Variants in ACSS3 observed in about 807,000 individuals in gnomAD.
ACSS3 encodes the protein acyl-CoA synthetase short-chain family member 3, mitochondrial.
In ACSS3, 64 loss-of-function variants were observed where a neutral mutation model predicts 84.2. The ratio of observed to expected loss-of-function variants is 0.76; its 90% CI spans 0.62 to 0.94. The LOEUF (loss-of-function observed/expected upper bound fraction) is 0.94. ACSS3 is among the 40% of genes least tolerant of loss of function. The pLI, the probability that ACSS3 is intolerant of heterozygous loss-of-function variation, is 0.00. For synonymous variants in ACSS3, 317 were observed against 310.1 expected, an observed-to-expected ratio of 1.02 and a Z score of -0.23; for missense variants, 815 against 867.6, an observed-to-expected ratio of 0.94 and a Z score of 0.76.
At chr12:81,122,183 G>GGCC (rs1213190687) in intron 2 of ACSS3, among the ~76,000 whole-genome samples, 7 of 151,826 alleles carry the variant, frequency 4.6e-5, no homozygotes, top group Admixed American at 4.6e-4. Context: ...TGCCCTCCTT[G>GGCC]GCCTCCCAAA....
chr12:81,121,738 C>CG (rs1565987730), intron 2 of ACSS3, among the ~76,000 whole-genome samples: 3 of 151,942 alleles, frequency 2.0e-5, no homozygotes, highest in African/African-American at 7.3e-5. Flanking sequence ...GCTTTGAGTT[C>CG]GGTGACATGT....
chr12:81,154,904 T>C (rs1886787186), intron 7 of ACSS3, among the ~76,000 whole-genome samples: 1 of 152,208 alleles, frequency 6.6e-6, no homozygotes, highest in Admixed American at 6.5e-5. Context: ...CTTTCCTTTC[T>C]TGGTTAACTC....
intron 8 of ACSS3, among the ~76,000 whole-genome samples, chr12:81,193,044 A>G (rs1235591677): frequency 6.6e-6 from 1 of 152,186 alleles, no homozygotes; most frequent in Admixed American, 6.5e-5. Context: ...GCAAAATGCT[A>G]TTCAGCCATT....
At chr12:81,220,922 G>T (rs921643607) in intron 11 of ACSS3, among the ~76,000 whole-genome samples, 18 of 151,574 alleles carry the variant, frequency 1.2e-4, no homozygotes, top group African/African-American at 4.4e-4. Context: ...TTGTTTTTCT[G>T]CTTTTCTGAT....
At chr12:81,241,918 A>G (rs1427886729) in intron 13 of ACSS3, among the ~76,000 whole-genome samples, 3 of 152,250 alleles carry the variant, frequency 2.0e-5, no homozygotes, top group Non-Finnish European at 2.9e-5. Flanking sequence ...GCCCGTGCCT[A>G]TGTCCTGAAT....
At chr12:81,125,913 T>C (rs1250220119) in intron 2 of ACSS3, 1 of 152,200 alleles carries the variant, frequency 6.6e-6, no homozygotes, top group Non-Finnish European at 1.5e-5. Context: ...TTTTTACCCC[T>C]ATTACGCAAT....
intron 5 of ACSS3, among the ~76,000 whole-genome samples, chr12:81,145,891 G>A (rs138907692): frequency 3.3e-5 from 5 of 152,266 alleles, no homozygotes; most frequent in Non-Finnish European, 5.9e-5. Context: ...ATTAAATTGT[G>A]TGCGTGAGTG....
chr12:81,102,649 C>T (rs1357913791), intron 1 of ACSS3, among the ~76,000 whole-genome samples: 1 of 148,740 alleles, frequency 6.7e-6, no homozygotes, highest in African/African-American at 2.4e-5. Flanking sequence ...GTTGAAACCC[C>T]ATTTCTACTA....
chr12:81,214,241 G>T (rs1465617143), intron 9 of ACSS3, among the ~76,000 whole-genome samples: 1 of 151,794 alleles, frequency 6.6e-6, no homozygotes, highest in Non-Finnish European at 1.5e-5. Context: ...GGCCAGGTTG[G>T]TCCCAAACTC....
intron 2 of ACSS3, among the ~76,000 whole-genome samples, chr12:81,121,523 T>C (rs562793063): frequency 6.6e-6 from 1 of 152,276 alleles, no homozygotes; most frequent in African/African-American, 2.4e-5. Flanking sequence ...TTTATTTTAG[T>C]GTATTATTAA....
At chr12:81,239,775 CA>C (rs1224513276) in intron 13 of ACSS3, among the ~76,000 whole-genome samples, 1 of 151,900 alleles carries the variant, frequency 6.6e-6, no homozygotes, top group Admixed American at 6.6e-5. Context: ...GGTACACAGC[CA>C]AACCGTATCA....
rs566601163 is a variant in ACSS3 at position 81,134,868 on chromosome 12, C to T, written c.509C>T (p.Thr170Ile). The T allele has an allele frequency of 5.6e-6, 9 of 1,597,382 alleles. 1 individual carries two copies. In the South Asian group the frequency reaches 6.8e-5, roughly 12 times the overall value. Residue 170 changes from threonine (T) to isoleucine (I), a missense_variant, in exon 3 of 16, where the codon ACT becomes ATT. Transcript: ENST00000548058. ...AAGCATGGCATCAAGAAAGGTGACA[C>T]TGTGGTTATCTACATGCCTATGATC... ...LVKHGIKKGD[T>I]VVIYMPMIPQ...
chr12:81,177,622 AAACC>A (rs2030586850), intron 8 of ACSS3, among the ~76,000 whole-genome samples: 1 of 152,150 alleles, frequency 6.6e-6, no homozygotes, highest in South Asian at 2.1e-4. Context: ...TACAAGAAAA[AAACC>A]AACAACCCCA....
chr12:81,096,710 G>C (rs1037973183), intron 1 of ACSS3, among the ~76,000 whole-genome samples: 1 of 151,654 alleles, frequency 6.6e-6, no homozygotes, highest in Non-Finnish European at 1.5e-5. Context: ...TTATGAGTGA[G>C]AACATGTGGT....
At chr12:81,192,668 A>T (rs2031632575) in intron 8 of ACSS3, among the ~76,000 whole-genome samples, 1 of 152,172 alleles carries the variant, frequency 6.6e-6, no homozygotes, top group Non-Finnish European at 1.5e-5. Context: ...TGTGAATTTT[A>T]ATCTTCGATT....
intron 2 of ACSS3, among the ~76,000 whole-genome samples, chr12:81,132,917 G>A (rs1297505889): frequency 2.0e-5 from 3 of 151,688 alleles, no homozygotes; most frequent in Non-Finnish European, 4.4e-5. Context: ...TTTCTGCAGG[G>A]GTTGCACACT....
intron 1 of ACSS3, among the ~76,000 whole-genome samples, chr12:81,100,357 A>G (rs564610563): frequency 1.3e-5 from 2 of 151,898 alleles, no homozygotes; most frequent in South Asian, 4.2e-4. Flanking sequence ...TTTAAAAGCT[A>G]TCTTCTTTAC....
At position 81,255,249 on chromosome 12, in the gene ACSS3, A is replaced by G; in HGVS notation, c.*327A>G. 1 of 175,390 alleles carries G rather than the reference A, an allele frequency of 5.7e-6. No individual in the cohort carries two copies. Among genetic ancestry groups the G allele is most frequent in the East Asian group, 1.5e-4 (1 of 6,648 alleles). The allele number at this position is 175,390 out of a possible 1,614,324, so 10.9% of individuals were successfully genotyped here. On this transcript the variant is annotated 3_prime_UTR_variant, in exon 16 of 16. Transcript: ENST00000548058. ...CTTTAATTGAAAGCAACACTAATATAGAGCCACTTCCTGAAACCAAGAATC... is the reference window on the plus strand; with the variant it reads ...CTTTAATTGAAAGCAACACTAATATGGAGCCACTTCCTGAAACCAAGAATC...
intron 1 of ACSS3, among the ~76,000 whole-genome samples, chr12:81,105,967 G>A (rs995762363): frequency 3.9e-5 from 6 of 152,188 alleles, no homozygotes; most frequent in African/African-American, 1.4e-4. Context: ...GAAGCTGACT[G>A]AATTCAAGGA....
Sources: gnomAD v4.1 joint callset for allele counts (sites outside exome capture counted in the v4.1 genomes callset) on GRCh38, gnomAD v4.1.1 for gene constraint, MANE v1.5 for transcripts, NCBI Gene and HGNC (gene_info 2026-07-23, HGNC 2026-07-21) for gene names.